DENND1B: variants seen among roughly 807,000 people sequenced by gnomAD.
The protein encoded by DENND1B is DENN domain containing 1B, also known as DENN domain-containing protein 1B.
A neutral mutation model predicts 90.1 loss-of-function variants in DENND1B; 59 were observed. The ratio of observed to expected loss-of-function variants is 0.65; its 90% CI spans 0.53 to 0.81. The LOEUF (loss-of-function observed/expected upper bound fraction) is 0.81, where lower values mean the gene tolerates loss of function less well. Ranked by LOEUF, DENND1B falls within the 40% of genes least tolerant of loss-of-function variation. The pLI, the probability that DENND1B is intolerant of heterozygous loss-of-function variation, is 0.00. For synonymous variants in DENND1B, 337 were observed against 324.6 expected (o/e 1.04, Z -0.41); for missense variants, 862 against 912.6 (o/e 0.94, Z 0.71).
At chr1:197,538,687 A>G (rs1670100015) in intron 20 of DENND1B, among the ~76,000 whole-genome samples, 2 of 143,314 alleles carry the variant, frequency 1.4e-5, no homozygotes, top group Admixed American at 1.4e-4. Flanking sequence ...TTTTTTACAA[A>G]GGACTAGAGT....
rs369779024 is a variant in DENND1B, at chr1:197,660,942, T to G, written c.297-2573A>C. Among the ~76,000 whole-genome samples the G allele has an allele frequency of 7.3e-4, 111 of 152,100 alleles. 3 individuals carry two copies. The East Asian group carries it at 9.1e-3, about 12-fold the overall frequency. ...ATCTAAGACCATGGAAGAACAGTTG[T>G]GCAAAGGCCTCGAGAGCAACCAGCC... On this transcript the variant is annotated intron_variant, in intron 5 of 22. Coordinates refer to ENST00000620048, the MANE Select transcript of DENND1B (RefSeq NM_001195215.2).
chr1:197,625,541 T>C (rs925481420), intron 10 of DENND1B, among the ~76,000 whole-genome samples: 2 of 152,080 alleles, frequency 1.3e-5, no homozygotes, highest in African/African-American at 4.8e-5. Context: ...GAACAACCGG[T>C]ACCAGCCACT....
chr1:197,552,976 A>G, intron 16 of DENND1B, 46 bp downstream of exon 16: 1 of 1,560,202 alleles, frequency 6.4e-7, no homozygotes, highest in South Asian at 1.2e-5. Flanking sequence ...AGACCAAGAA[A>G]ATTGTTATTG....
At chr1:197,706,663 G>A (rs1315740105) in intron 3 of DENND1B, among the ~76,000 whole-genome samples, 1 of 152,064 alleles carries the variant, frequency 6.6e-6, no homozygotes, top group Non-Finnish European at 1.5e-5. Flanking sequence ...TGGCCAACAG[G>A]CACATCAAAC....
chr1:197,756,081 A>G (rs1429509129), intron 2 of DENND1B, among the ~76,000 whole-genome samples: 1 of 152,236 alleles, frequency 6.6e-6, no homozygotes, highest in Non-Finnish European at 1.5e-5. Flanking sequence ...AATCTTTTTC[A>G]CCAATGGCAT....
chr1:197,658,952 A>G (rs1310860458), intron 5 of DENND1B, among the ~76,000 whole-genome samples: 1 of 150,920 alleles, frequency 6.6e-6, no homozygotes, highest in Admixed American at 6.6e-5. Context: ...AGATAAAACT[A>G]TAATTTTTAT....
chr1:197,739,826 G>GA (rs34559079), intron 2 of DENND1B, among the ~76,000 whole-genome samples: 1 of 152,096 alleles, frequency 6.6e-6, no homozygotes, highest in Non-Finnish European at 1.5e-5. Context: ...TATACAGATG[G>GA]AAAATAAGCA....
At chr1:197,608,719 T>C (rs1227517189) in intron 12 of DENND1B, among the ~76,000 whole-genome samples, 1 of 150,560 alleles carries the variant, frequency 6.6e-6, no homozygotes, top group Non-Finnish European at 1.5e-5. Context: ...TAAAGCTATG[T>C]GCCCCCAAAG....
chr1:197,736,416 A>T (rs1176271739), intron 2 of DENND1B, among the ~76,000 whole-genome samples: 2 of 152,156 alleles, frequency 1.3e-5, no homozygotes, highest in African/African-American at 4.8e-5. Flanking sequence ...AGGCACAATC[A>T]TAGCTTACTG....
intron 3 of DENND1B, among the ~76,000 whole-genome samples, chr1:197,713,834 A>ACTATTGT (rs1660282867): frequency 1.0e-4 from 1 of 9,796 alleles, no homozygotes; most frequent in Non-Finnish European, 2.0e-4. Flanking sequence ...ATTATATATA[A>ACTATTGT]TATATTATAT....
chr1:197,698,801 G>A (rs892107528), intron 3 of DENND1B, among the ~76,000 whole-genome samples: 7 of 152,052 alleles, frequency 4.6e-5, no homozygotes, highest in African/African-American at 1.7e-4. Context: ...AAATAAACTA[G>A]AAAATCTAGA....
chr1:197,634,991 C>T (rs144416060), intron 10 of DENND1B, among the ~76,000 whole-genome samples: 8 of 149,812 alleles, frequency 5.3e-5, no homozygotes, highest in South Asian at 4.2e-4. Flanking sequence ...TGCAACTCTG[C>T]GTGAAAAGGA....
At position 197,695,244 on chromosome 1, in the gene DENND1B, G is replaced by A. The variant is rs16829933; in HGVS notation, c.126+19787C>T. Among the ~76,000 whole-genome samples, 828 of 150,836 alleles carry A rather than the reference G, an allele frequency of 5.5e-3. 3 individuals are homozygous for A. Among genetic ancestry groups the A allele is most frequent in the African/African-American group, 0.019 (796 of 41,370 alleles). On this transcript the variant is annotated intron_variant, in intron 3 of 22. Transcript: ENST00000620048. ...GATTTACTTTTATACATTTTTCCAC[G>A]TTTGCCCCTTATAATGTTTCGTTCT...
At chr1:197,778,748 A>G (rs182702341), upstream of DENND1B, among the ~76,000 whole-genome samples, 58 of 151,042 alleles carry the variant, frequency 3.8e-4, no homozygotes, top group East Asian at 0.011. Context: ...CTAATTTTGT[A>G]CTTCCCGTTT....
chr1:197,590,471 T>A (rs1437856177), intron 14 of DENND1B, among the ~76,000 whole-genome samples: 1 of 152,164 alleles, frequency 6.6e-6, no homozygotes, highest in Non-Finnish European at 1.5e-5. Flanking sequence ...AGTAAAATAT[T>A]CATTACTTTA....
intron 10 of DENND1B, among the ~76,000 whole-genome samples, chr1:197,626,705 A>C (rs2125885191): frequency 6.7e-6 from 1 of 148,372 alleles, no homozygotes; most frequent in Admixed American, 6.6e-5. Context: ...ATAGAGACAC[A>C]AAAAAAACCC....
intron 5 of DENND1B, among the ~76,000 whole-genome samples, chr1:197,659,971 TAGA>T (rs1654243531): frequency 6.6e-6 from 1 of 151,660 alleles, no homozygotes; most frequent in African/African-American, 2.4e-5. Flanking sequence ...CAAGTAAATA[TAGA>T]CAATACAAAC....
chr1:197,643,079 C>T (rs1056942336), intron 9 of DENND1B, among the ~76,000 whole-genome samples: 2 of 152,048 alleles, frequency 1.3e-5, no homozygotes, highest in African/African-American at 4.8e-5. Context: ...CTTTCTTACC[C>T]GCTAAGTATT....
intron 2 of DENND1B, among the ~76,000 whole-genome samples, chr1:197,763,565 G>T (rs1019666149): frequency 6.6e-6 from 1 of 152,188 alleles, no homozygotes; most frequent in South Asian, 2.1e-4. Flanking sequence ...CTGTAGCAGA[G>T]AGATTCTTTA....
Sources: allele counts gnomAD v4.1 joint callset (sites outside exome capture counted in the v4.1 genomes callset), GRCh38; gene constraint gnomAD v4.1.1; transcripts MANE v1.5; gene names NCBI Gene and HGNC (gene_info 2026-07-23, HGNC 2026-07-21).